The following MAF variants were observed in gnomAD, a reference collection of about 807,000 sequenced individuals.
The protein encoded by MAF is transcription factor Maf.
MAF carries 10 observed loss-of-function variants against 22.0 expected under a neutral mutation model. The ratio of observed to expected loss-of-function variants is 0.45; its 90% confidence interval spans 0.28 to 0.77. The LOEUF (loss-of-function observed/expected upper bound fraction) is 0.77. Among genes scored for constraint, MAF ranks in the 30% least tolerant of loss-of-function variants. MAF has a pLI of 0.12. For synonymous variants in MAF, 337 were observed against 255.8 expected (o/e 1.32, Z -3.03); for missense variants, 544 against 548.4 (o/e 0.99, Z 0.08).
chr16:79,221,922 T>C, the MAF span, among the ~76,000 whole-genome samples: 1 of 152,202 alleles, frequency 6.6e-6, no homozygotes, highest in Non-Finnish European at 1.5e-5. Context: ...TCTTTGATTT[T>C]TTTTCATTAG....
intron 1 of MAF, chr16:79,598,548 G>T (rs1044613041): frequency 8.5e-6 from 12 of 1,418,826 alleles, no homozygotes; most frequent in Non-Finnish European, 1.1e-5. Context: ...GTTTAAAACA[G>T]CCACCACCAC....
chr16:79,253,514 T>A, the MAF span, among the ~76,000 whole-genome samples: 1 of 152,144 alleles, frequency 6.6e-6, no homozygotes, highest in Non-Finnish European at 1.5e-5. Flanking sequence ...CCAATTTTAG[T>A]ATGTGCTGCC....
At chr16:79,284,546 C>T in the MAF span, among the ~76,000 whole-genome samples, 1 of 152,294 alleles carries the variant, frequency 6.6e-6, no homozygotes, top group African/African-American at 2.4e-5. Context: ...TCTAGTTCGG[C>T]AGATGTCTGC....
the MAF span, among the ~76,000 whole-genome samples, chr16:79,239,301 C>T: frequency 1.3e-5 from 2 of 152,060 alleles, no homozygotes; most frequent in African/African-American, 2.4e-5. Context: ...AGTAGTGTCA[C>T]TGACCATCCT....
the MAF span, among the ~76,000 whole-genome samples, chr16:79,439,964 G>A: frequency 6.8e-4 from 104 of 152,310 alleles, no homozygotes; most frequent in Non-Finnish European, 7.9e-4. Flanking sequence ...GATGCGAGAG[G>A]TCTTCTGGCC....
At chr16:79,569,093 C>T in the MAF span, among the ~76,000 whole-genome samples, 2 of 151,830 alleles carry the variant, frequency 1.3e-5, no homozygotes, top group Non-Finnish European at 2.9e-5. Context: ...TCTAGAAAGA[C>T]AGGTCTCACT....
the MAF span, among the ~76,000 whole-genome samples, chr16:79,437,768 T>C: frequency 1.3e-5 from 2 of 152,224 alleles, no homozygotes; most frequent in South Asian, 2.1e-4. Flanking sequence ...AACCGTAGGC[T>C]GGCATTGGGC....
At chr16:79,574,171 C>T in the MAF span, among the ~76,000 whole-genome samples, 4 of 152,202 alleles carry the variant, frequency 2.6e-5, no homozygotes, top group Non-Finnish European at 4.4e-5. Context: ...GCCTTTGGAG[C>T]AGGCCCACTT....
chr16:79,351,150 C>A, the MAF span, among the ~76,000 whole-genome samples: 237 of 152,278 alleles, frequency 1.6e-3, 3 homozygotes, highest in African/African-American at 5.4e-3. Flanking sequence ...TGACTACATT[C>A]TCTGTGGGGT....
chr16:79,566,765 C>T, the MAF span, among the ~76,000 whole-genome samples: 10 of 152,240 alleles, frequency 6.6e-5, no homozygotes, highest in South Asian at 2.1e-4. Flanking sequence ...CTCCAGTTCC[C>T]GACTCCTTCC....
At chr16:79,210,593 G>C in the MAF span, among the ~76,000 whole-genome samples, 2 of 152,154 alleles carry the variant, frequency 1.3e-5, 1 homozygote, top group African/African-American at 4.8e-5. Context: ...CTGAAAATTA[G>C]TGGATGCAGC....
chr16:79,576,768 G>A, the MAF span, among the ~76,000 whole-genome samples: 1 of 152,188 alleles, frequency 6.6e-6, no homozygotes, highest in African/African-American at 2.4e-5. Flanking sequence ...CCCTGTGCCA[G>A]GTGCTTTACA....
the MAF span, among the ~76,000 whole-genome samples, chr16:79,233,062 G>A: frequency 4.1e-3 from 628 of 151,796 alleles, 12 homozygotes; most frequent in African/African-American, 0.015. Context: ...GGATGGTCTC[G>A]ATCTCCTGAC....
chr16:79,495,727 G>A, the MAF span, among the ~76,000 whole-genome samples: 1 of 152,058 alleles, frequency 6.6e-6, no homozygotes, highest in African/African-American at 2.4e-5. Flanking sequence ...AGCTTCCCTT[G>A]TGCTGATGAA....
chr16:79,417,223 G>A, the MAF span, among the ~76,000 whole-genome samples: 1 of 152,152 alleles, frequency 6.6e-6, no homozygotes, highest in Non-Finnish European at 1.5e-5. Context: ...GACTCTGGGT[G>A]CATTTCTTGC....
chr16:79,252,692 G>A, the MAF span, among the ~76,000 whole-genome samples: 502 of 152,236 alleles, frequency 3.3e-3, 9 homozygotes, highest in East Asian at 0.023. Flanking sequence ...GTTTCACCAT[G>A]TTGGCCAGGC....
At chr16:79,383,914 C>G in the MAF span, among the ~76,000 whole-genome samples, 1 of 152,100 alleles carries the variant, frequency 6.6e-6, no homozygotes, top group Non-Finnish European at 1.5e-5. Context: ...GCAAACTTTT[C>G]CCCCCAAAAG....
chr16:79,597,431 T>C (rs1407978145), intron 1 of MAF: 2 of 1,029,300 alleles, frequency 1.9e-6, no homozygotes, highest in Non-Finnish European at 2.3e-6. Flanking sequence ...AATTTTAGAC[T>C]GCTTCTCGGC....
the MAF span, among the ~76,000 whole-genome samples, chr16:79,486,478 C>T: frequency 1.3e-5 from 2 of 152,042 alleles, no homozygotes; most frequent in East Asian, 3.9e-4. Flanking sequence ...CAATATTTTA[C>T]CCAAAGACTG....
Sources: gnomAD v4.1 joint callset for allele counts (sites outside exome capture counted in the v4.1 genomes callset) on GRCh38, gnomAD v4.1.1 for gene constraint, MANE v1.5 for transcripts, NCBI Gene and HGNC (gene_info 2026-07-23, HGNC 2026-07-21) for gene names.